SP140L: variants seen among roughly 807,000 people sequenced by gnomAD.
SP140L encodes the protein SP140 like nuclear body protein, also known as nuclear body protein SP140-like protein.
In SP140L, 64 loss-of-function variants were observed where a neutral mutation model predicts 84.3. That is an observed-to-expected ratio of 0.76 (90% CI 0.62 to 0.94). The LOEUF is 0.94. SP140L is among the 40% of genes least tolerant of loss of function. The pLI is 0.00. For synonymous variants in SP140L, 242 were observed against 236.9 expected, an observed-to-expected ratio of 1.02 and a Z score of -0.20; for missense variants, 628 against 692.5, an observed-to-expected ratio of 0.91 and a Z score of 1.05.
intron 3 of SP140L, among the ~76,000 whole-genome samples, chr2:230,358,750 G>T (rs950691683): frequency 4.6e-5 from 7 of 152,188 alleles, no homozygotes; most frequent in Non-Finnish European, 8.8e-5. Context: ...GTAAATGAGG[G>T]TGAAGCAATC....
At chr2:230,350,088 CA>C (rs1196838674) in intron 2 of SP140L, among the ~76,000 whole-genome samples, 1 of 151,996 alleles carries the variant, frequency 6.6e-6, no homozygotes, top group African/African-American at 2.4e-5. Context: ...TGATGTTACC[CA>C]AAAAAATGGT....
intron 2 of SP140L, among the ~76,000 whole-genome samples, chr2:230,347,248 A>T (rs960788615): frequency 6.6e-6 from 1 of 151,994 alleles, no homozygotes; most frequent in Non-Finnish European, 1.5e-5. Flanking sequence ...CTGAGATGGA[A>T]CAAGACCTCA....
At chr2:230,371,071 G>A in intron 6 of SP140L, 104 bp downstream of exon 6, 1 of 986,118 alleles carries the variant, frequency 1.0e-6, no homozygotes, top group Non-Finnish European at 1.6e-6. Context: ...CCTGTTCTGT[G>A]CATTTGCCTC....
At chr2:230,377,296 G>A (rs2061272195) in intron 7 of SP140L, among the ~76,000 whole-genome samples, 1 of 152,146 alleles carries the variant, frequency 6.6e-6, no homozygotes, top group Non-Finnish European at 1.5e-5. Flanking sequence ...ATACAGGCAT[G>A]TACAACTCAC....
In SP140L at chr2:230,328,751, T is replaced by G; in HGVS notation, c.33-6T>G. The G allele has an allele frequency of 1.2e-6, 2 of 1,611,618 alleles. No homozygotes were observed. Among genetic ancestry groups the G allele is most frequent in the Non-Finnish European group, 1.7e-6 (2 of 1,178,770 alleles). ...GTTTATAGATCCTGCCAAATTGTCT[T>G]TTTAGGGGGCTGAACGGAGGTGTTT... is the stretch of plus-strand genomic sequence containing the variant. On this transcript the variant is annotated splice_region_variant and splice_polypyrimidine_tract_variant and intron_variant, in intron 1 of 18. Coordinates refer to ENST00000415673, the MANE Select transcript of SP140L (RefSeq NM_138402.6).
chr2:230,340,169 G>A (rs2059997863), intron 2 of SP140L, among the ~76,000 whole-genome samples: 1 of 151,640 alleles, frequency 6.6e-6, no homozygotes, highest in Admixed American at 6.6e-5. Flanking sequence ...ATGAATCTTG[G>A]TACTCCTGTA....
At chr2:230,357,625 T>G (rs16827148) in intron 2 of SP140L, among the ~76,000 whole-genome samples, 180 bp from the exon 3 acceptor site, 23,603 of 152,194 alleles carry the variant, frequency 0.16, 1,892 homozygotes, top group East Asian at 0.26. Flanking sequence ...GGCTCCATGA[T>G]ATCTTCTATT....
At chr2:230,391,026 A>T (rs6761255) in intron 11 of SP140L, among the ~76,000 whole-genome samples, 40,917 of 152,150 alleles carry the variant, frequency 0.27, 5,850 homozygotes, top group Non-Finnish European at 0.31. Context: ...AATCAGCATG[A>T]TGTTTTCAAA....
intron 2 of SP140L, among the ~76,000 whole-genome samples, chr2:230,336,045 A>G (rs953763657): frequency 2.0e-5 from 3 of 152,226 alleles, no homozygotes; most frequent in African/African-American, 7.2e-5. Context: ...GAAGGTGTGG[A>G]ATATTCCATC....
At chr2:230,371,005 G>A in intron 6 of SP140L, 38 bp downstream of exon 6, 1 of 1,590,390 alleles carries the variant, frequency 6.3e-7, no homozygotes, top group Non-Finnish European at 8.6e-7. Context: ...GGGTGGCTCA[G>A]TGGGCCCCAC....
intron 11 of SP140L, 84 bp from the exon 12 acceptor site, chr2:230,391,997 TGGGTGG>T (rs1356399247): frequency 3.2e-6 from 5 of 1,542,096 alleles, no homozygotes; most frequent in Non-Finnish European, 4.4e-6. Context: ...CATCACAAAT[TGGGTGG>T]CTCTAGATCC....
chr2:230,396,176 G>A (rs920638589), intron 13 of SP140L, among the ~76,000 whole-genome samples: 1 of 152,200 alleles, frequency 6.6e-6, no homozygotes, highest in African/African-American at 2.4e-5. Flanking sequence ...CTCTGACTTG[G>A]CCTGGGCAAA....
In SP140L at chr2:230,343,348, C is replaced by G. The variant is rs1445617767; in HGVS notation, c.108-14457C>G. On this transcript the variant is annotated intron_variant, in intron 2 of 18. Transcript: ENST00000415673. ...AACATGTGGTGTTTGGTTTTCTGTT[C>G]CTGAATTAGTTTGCTGAGGATAATG... 2.0e-5 allele frequency among the ~76,000 whole-genome samples: 3 copies of G among 147,832 alleles called. 1 individual carries two copies. Among genetic ancestry groups the G allele is most frequent in the African/African-American group, 5.0e-5 (2 of 40,026 alleles).
intron 5 of SP140L, among the ~76,000 whole-genome samples, chr2:230,363,770 C>G (rs1465195298): frequency 6.6e-6 from 1 of 151,982 alleles, no homozygotes; most frequent in African/African-American, 2.4e-5. Context: ...GGAGCTTTTC[C>G]CCTGTTTTCT....
intron 5 of SP140L, among the ~76,000 whole-genome samples, chr2:230,368,316 G>A (rs939182317): frequency 6.6e-6 from 1 of 152,190 alleles, no homozygotes; most frequent in African/African-American, 2.4e-5. Context: ...TGGTGTGTAA[G>A]GTTTTTGCCA....
chr2:230,397,909 C>T (rs1481132206), intron 14 of SP140L, among the ~76,000 whole-genome samples: 1 of 152,066 alleles, frequency 6.6e-6, no homozygotes, highest in Non-Finnish European at 1.5e-5. Context: ...AGCCCACAGC[C>T]AGATGTCTGT....
chr2:230,388,692 A>G, intron 10 of SP140L, 59 bp downstream of exon 10: 1 of 1,404,522 alleles, frequency 7.1e-7, no homozygotes, highest in Non-Finnish European at 9.7e-7. Context: ...CCTGTGCTTT[A>G]TGCTGTATTT....
rs920445405 is a variant in SP140L at position 230,370,932 on chromosome 2, C to A, written c.548C>A (p.Ala183Glu). Residue 183 changes from alanine (A) to glutamate (E), a missense_variant, in exon 6 of 19, where the codon GCA becomes GAA. Transcript: ENST00000415673. ...KQGEVPESPE[A>E]RKESDQACGK... is the part of the protein sequence containing the mutation. Reference sequence around the variant, plus strand: ...GGAGAAGTGCCAGAAAGCCCGGAAGCAAGGAAGGAAAGTGACCAAGCATGT... The same window carrying A: ...GGAGAAGTGCCAGAAAGCCCGGAAGAAAGGAAGGAAAGTGACCAAGCATGT... The A allele has an allele frequency of 1.9e-6, 3 of 1,613,554 alleles. No homozygotes were observed. In the African/African-American group the frequency reaches 4.0e-5, roughly 22 times the overall value.
At chr2:230,331,358 A>G (rs1156612837) in intron 2 of SP140L, among the ~76,000 whole-genome samples, 1 of 152,210 alleles carries the variant, frequency 6.6e-6, no homozygotes, top group Non-Finnish European at 1.5e-5. Flanking sequence ...AGTTTCAGGC[A>G]TCCGCTGGGG....
Sources: gnomAD v4.1 joint callset for allele counts (sites outside exome capture counted in the v4.1 genomes callset) on GRCh38, gnomAD v4.1.1 for gene constraint, MANE v1.5 for transcripts, NCBI Gene and HGNC (gene_info 2026-07-23, HGNC 2026-07-21) for gene names.